Variants in ROS1 observed in about 807,000 individuals in gnomAD.
ROS1 encodes proto-oncogene tyrosine-protein kinase ROS.
A neutral mutation model predicts 273.5 loss-of-function variants in ROS1; 263 were observed. The observed-to-expected ratio is 0.96, with a 90% confidence interval of 0.87 to 1.06. The LOEUF (loss-of-function observed/expected upper bound fraction) is 1.06, where lower values mean the gene tolerates loss of function less well. Among genes scored for constraint, ROS1 ranks in the 50% least tolerant of loss-of-function variants. ROS1 has a pLI of 0.00. For synonymous variants in ROS1, 1,008 were observed against 954.1 expected (o/e 1.06, Z -1.04); for missense variants, 2,833 against 2,751.1 (o/e 1.03, Z -0.67).
intron 31 of ROS1, among the ~76,000 whole-genome samples, chr6:117,337,563 G>A (rs1777574478): frequency 6.6e-6 from 1 of 152,050 alleles, no homozygotes; most frequent in Non-Finnish European, 1.5e-5. Context: ...CATGGGAGAA[G>A]CTCAAAGTGG....
chr6:117,342,591 T>C (rs1457946811), intron 28 of ROS1, 47 bp from the exon 29 acceptor site: 3 of 1,173,274 alleles, frequency 2.6e-6, no homozygotes, highest in Middle Eastern at 2.3e-4. Flanking sequence ...TAACATTTTA[T>C]ACAAATTGGT....
chr6:117,422,166 C>T (rs926525347), intron 1 of ROS1, among the ~76,000 whole-genome samples: 15 of 152,194 alleles, frequency 9.9e-5, no homozygotes, highest in African/African-American at 2.6e-4. Context: ...CATGCCACCA[C>T]GCCTAGCTAA....
chr6:117,423,375 A>G (rs1274103868), intron 1 of ROS1, among the ~76,000 whole-genome samples: 1 of 152,208 alleles, frequency 6.6e-6, no homozygotes, highest in Non-Finnish European at 1.5e-5. Context: ...TTAACATGTT[A>G]TTGTGCCCTG....
chr6:117,294,062 G>A (rs1029708713), intron 43 of ROS1, among the ~76,000 whole-genome samples: 28 of 152,106 alleles, frequency 1.8e-4, no homozygotes, highest in African/African-American at 6.5e-4. Context: ...AAAACCATAT[G>A]ATCATATCAG....
chr6:117,342,658 T>C (rs1778039933), intron 28 of ROS1, 114 bp from the exon 29 acceptor site: 1 of 710,230 alleles, frequency 1.4e-6, no homozygotes, highest in Admixed American at 3.4e-5. Context: ...ATTAATTTAT[T>C]TTAAATTCTG....
chr6:117,344,009 T>C (rs1400446798), intron 28 of ROS1, 51 bp downstream of exon 28: 1 of 1,480,490 alleles, frequency 6.8e-7, no homozygotes, highest in African/African-American at 1.4e-5. Flanking sequence ...TAATTTTATA[T>C]CAAAAAAGAA....
chr6:117,423,563 T>G (rs963975453), intron 1 of ROS1, among the ~76,000 whole-genome samples: 6 of 152,210 alleles, frequency 3.9e-5, no homozygotes, highest in Non-Finnish European at 7.3e-5. Flanking sequence ...GTTAATACTT[T>G]CAACTAGTAC....
intron 17 of ROS1, among the ~76,000 whole-genome samples, chr6:117,381,028 GAA>G (rs1772085386): frequency 6.6e-6 from 1 of 152,054 alleles, no homozygotes; most frequent in Admixed American, 6.6e-5. Flanking sequence ...AGAGAGAGAT[GAA>G]GAGCTTTGCT....
At position 117,346,336 on chromosome 6, in the gene ROS1, A is replaced by C. The variant is rs149693138; in HGVS notation, c.4304-2074T>G. ...ACCAAGATAACTTGTAATTGCTTAAAATTTCCAGCAGATGGAGGTAAAGTA... is the reference window on the plus strand; with the variant it reads ...ACCAAGATAACTTGTAATTGCTTAACATTTCCAGCAGATGGAGGTAAAGTA... On this transcript the variant is annotated intron_variant, in intron 27 of 43. Transcript: ENST00000368507. Among the ~76,000 whole-genome samples, 466 of 152,234 alleles carry C rather than the reference A, an allele frequency of 3.1e-3. 1 individual carries two copies. Among genetic ancestry groups the C allele is most frequent in the African/African-American group, 0.011 (445 of 41,534 alleles).
chr6:117,288,399 C>T lies in ROS1; in HGVS notation c.*93G>A. The T allele has an allele frequency of 6.3e-6, 7 of 1,119,190 alleles. No homozygotes were observed. The highest frequency in any genetic ancestry group is 4.7e-5 in the East Asian group (2 of 42,276). The allele number at this position is 1,119,190 out of a possible 1,614,324, so 69.3% of individuals were successfully genotyped here. ...TGCATTGTTTATTTGGAGTTATAGA[C>T]CACCATGACATTTATCATTCTAGCA... On this transcript the variant is annotated 3_prime_UTR_variant, in exon 44 of 44. Coordinates refer to ENST00000368507, the MANE Select transcript of ROS1 (RefSeq NM_001378902.1).
rs779824765 is a variant in ROS1 at position 117,360,009 on chromosome 6, T to C, written c.3433A>G (p.Ile1145Val). The C allele has an allele frequency of 6.2e-7, 1 of 1,612,204 alleles. No homozygotes were observed. The highest frequency in any genetic ancestry group is 1.3e-5 in the African/African-American group (1 of 74,892). The change falls in exon 24 of 44, where the codon ATC becomes GTC. Residue 1145 changes from isoleucine to valine, a missense_variant and splice_region_variant. By Grantham distance (29) the Ile-to-Val change is conservative (BLOSUM62 3). Transcript: ENST00000368507. Reference protein sequence around the residue: ...ADVVKSTTSEINPFPHLITLL... With the variant: ...ADVVKSTTSEVNPFPHLITLL... ...GTTATGAGGTGAGGAAATGGGTTGA[T>C]TTCTGAAAGCAAAAAAACATGTAGA...
Position 117,389,664 on chromosome 6 carries a change from A to G in ROS1, c.1472T>C (p.Leu491Pro). ...GATGAGATGGGAAGCAGAGCCATCCAGAAATGTTGACATGAAGACTTGGGC... is the reference window on the plus strand; with the variant it reads ...GATGAGATGGGAAGCAGAGCCATCCGGAAATGTTGACATGAAGACTTGGGC... The part of the protein sequence containing the change: ...DTAQVFMSTF[L>P]DGSASHLILP... Residue 491 changes from leucine to proline, a missense_variant, in exon 13 of 44, where the codon CTG becomes CCG. Transcript: ENST00000368507. 1 of 1,614,236 alleles carries G rather than the reference A, an allele frequency of 6.2e-7. No individual in the cohort carries two copies.
chr6:117,394,043 G>A (rs1273238720), intron 11 of ROS1, 119 bp downstream of exon 11: 1 of 580,142 alleles, frequency 1.7e-6, no homozygotes. Context: ...AGTATCTAAG[G>A]CATAGTAAAT....
intron 13 of ROS1, among the ~76,000 whole-genome samples, chr6:117,388,617 T>C (rs1205558896): frequency 6.6e-6 from 1 of 152,194 alleles, no homozygotes; most frequent in Non-Finnish European, 1.5e-5. Flanking sequence ...ATATTATCTA[T>C]GACTGTCTTC....
chr6:117,351,213 C>T (rs924515488), intron 27 of ROS1, among the ~76,000 whole-genome samples: 1 of 152,174 alleles, frequency 6.6e-6, no homozygotes, highest in African/African-American at 2.4e-5. Flanking sequence ...CGACTGTGAA[C>T]TTCACAGGTT....
chr6:117,385,575 G>C (rs1044788317), intron 16 of ROS1, 108 bp downstream of exon 16: 4 of 899,094 alleles, frequency 4.4e-6, no homozygotes, highest in Non-Finnish European at 6.8e-6. Context: ...ATAAATAATA[G>C]CATAAGTGGT....
chr6:117,344,272 GAAGA>G lies in ROS1; in HGVS notation c.4304-14_4304-11del. ...GACAGAAACGCTTTATCTAAAATAA[GAAGA>G]AACCAAAAGATTAAATATCTATACT... is the stretch of plus-strand genomic sequence containing the variant. On this transcript the variant is annotated splice_polypyrimidine_tract_variant and intron_variant, in intron 27 of 43. Transcript: ENST00000368507. 6.2e-7 allele frequency: 1 copy of G among 1,601,760 alleles called. No individual in the cohort carries two copies. The highest frequency in any genetic ancestry group is 1.1e-5 in the South Asian group (1 of 90,696).
At chr6:117,406,595 A>G (rs1472838367) in intron 5 of ROS1, among the ~76,000 whole-genome samples, 1 of 152,210 alleles carries the variant, frequency 6.6e-6, no homozygotes, top group African/African-American at 2.4e-5. Flanking sequence ...TTAGAATATA[A>G]TAAAGGAATG....
intron 35 of ROS1, among the ~76,000 whole-genome samples, 154 bp downstream of exon 35, chr6:117,324,178 G>A (rs893507821): frequency 2.6e-5 from 4 of 152,088 alleles, no homozygotes; most frequent in Non-Finnish European, 5.9e-5. Context: ...GAAGTTAGTG[G>A]TTATAAATGT....
Sources: gnomAD v4.1 joint callset for allele counts (sites outside exome capture counted in the v4.1 genomes callset) on GRCh38, gnomAD v4.1.1 for gene constraint, MANE v1.5 for transcripts, NCBI Gene and HGNC (gene_info 2026-07-23, HGNC 2026-07-21) for gene names.